PVT1: variants seen among roughly 807,000 people sequenced by gnomAD.
PVT1 encodes CXCR4/PVT1 fusion.
chr8:127,945,286 A>G (rs1816406548), intron 3 of PVT1, among the ~76,000 whole-genome samples: 1 of 152,126 alleles, frequency 6.6e-6, no homozygotes, highest in African/African-American at 2.4e-5. Context: ...GAGCTCATCC[A>G]GGATTTATAC....
chr8:128,005,713 T>A (rs1817238709), intron 4 of PVT1, among the ~76,000 whole-genome samples: 1 of 152,178 alleles, frequency 6.6e-6, no homozygotes, highest in South Asian at 2.1e-4. Flanking sequence ...TTCAGCATTC[T>A]GGTGGCTTGT....
chr8:127,816,889 G>A (rs1470927728), intron 2 of PVT1, among the ~76,000 whole-genome samples: 1 of 152,144 alleles, frequency 6.6e-6, no homozygotes, highest in Non-Finnish European at 1.5e-5. Flanking sequence ...ATGTTGGTAA[G>A]TCTCTGCTGA....
Position 127,820,576 on chromosome 8 carries a change from T to C in PVT1, n.372+24505T>C, listed in dbSNP as rs191036868. On this transcript the variant is annotated intron_variant and non_coding_transcript_variant, in intron 2 of 10. Transcript: ENST00000651587. ...GGAGGTACACATTTCCTAGGGTGCT[T>C]GGGTGAAGAATTAGCAAGCAGTAAC... Among the ~76,000 whole-genome samples the C allele has an allele frequency of 1.3e-3, 194 of 152,114 alleles. 1 individual carries two copies. Among genetic ancestry groups the C allele is most frequent in the African/African-American group, 4.5e-3 (187 of 41,512 alleles).
chr8:127,841,935 A>G (rs1814979584), intron 2 of PVT1, among the ~76,000 whole-genome samples: 1 of 151,794 alleles, frequency 6.6e-6, no homozygotes, highest in Admixed American at 6.6e-5. Flanking sequence ...CGTGTTGGCC[A>G]GGCTGGTCTT....
chr8:127,803,926 G>T (rs1006816782), intron 2 of PVT1, among the ~76,000 whole-genome samples: 14 of 151,832 alleles, frequency 9.2e-5, no homozygotes, highest in Non-Finnish European at 1.9e-4. Flanking sequence ...TCACCATGTT[G>T]GTCAGGCTGA....
chr8:127,835,966 G>C lies in PVT1; in HGVS notation n.372+39895G>C, dbSNP rs184212427. Among the ~76,000 whole-genome samples the C allele has an allele frequency of 3.0e-3, 459 of 152,092 alleles. 1 individual carries two copies. The highest frequency in any genetic ancestry group is 0.011 in the African/African-American group (443 of 41,492). On this transcript the variant is annotated intron_variant and non_coding_transcript_variant, in intron 2 of 10. Transcript: ENST00000651587. ...ATCAGTTCCCTGACACCCTTCCCTG[G>C]GCACCACAGGACCTTTGCACTTGCT...
chr8:127,942,425 A>C (rs1025587113), intron 3 of PVT1, among the ~76,000 whole-genome samples: 1 of 152,162 alleles, frequency 6.6e-6, no homozygotes, highest in Admixed American at 6.5e-5. Flanking sequence ...GCAGGCAACT[A>C]CACAGCCAGT....
intron 2 of PVT1, among the ~76,000 whole-genome samples, chr8:127,856,555 G>C (rs1010524946): frequency 6.6e-6 from 1 of 151,950 alleles, no homozygotes; most frequent in East Asian, 1.9e-4. Flanking sequence ...TGGTCAGGCT[G>C]GTCTCGAACT....
chr8:127,888,997 A>G (rs1422064271), intron 2 of PVT1, among the ~76,000 whole-genome samples: 2 of 151,972 alleles, frequency 1.3e-5, no homozygotes, highest in Non-Finnish European at 2.9e-5. Flanking sequence ...CCAGTCTGCC[A>G]GTCCGCCTTG....
intron 3 of PVT1, among the ~76,000 whole-genome samples, chr8:127,905,912 T>G (rs891571723): frequency 6.6e-6 from 1 of 152,222 alleles, no homozygotes; most frequent in Non-Finnish European, 1.5e-5. Context: ...GGCAAGTTAT[T>G]TAACTTCTCT....
chr8:127,966,922 T>C (rs16902501), intron 3 of PVT1, among the ~76,000 whole-genome samples: 4,142 of 152,272 alleles, frequency 0.027, 90 homozygotes, highest in African/African-American at 0.047. Context: ...CGAGACTCCA[T>C]GCCCCCTGTC....
chr8:127,831,438 A>G (rs1342073279), intron 2 of PVT1, among the ~76,000 whole-genome samples: 1 of 152,196 alleles, frequency 6.6e-6, no homozygotes, highest in Non-Finnish European at 1.5e-5. Flanking sequence ...GCAGATGCCC[A>G]TTAATGGCCA....
chr8:127,832,135 G>A (rs148951666), intron 2 of PVT1, among the ~76,000 whole-genome samples: 14 of 152,100 alleles, frequency 9.2e-5, no homozygotes, highest in African/African-American at 3.4e-4. Context: ...TATGTGTCAG[G>A]CACCCCTCCT....
At chr8:127,883,581 C>A (rs1219709419) in intron 2 of PVT1, among the ~76,000 whole-genome samples, 1 of 151,630 alleles carries the variant, frequency 6.6e-6, no homozygotes, top group Non-Finnish European at 1.5e-5. Flanking sequence ...TGTAACAAAC[C>A]TGCACGTTGT....
At chr8:128,025,216 G>T (rs966178535) in intron 4 of PVT1, among the ~76,000 whole-genome samples, 1 of 152,134 alleles carries the variant, frequency 6.6e-6, no homozygotes, top group Non-Finnish European at 1.5e-5. Context: ...TCAGCGGTTC[G>T]GGGTACGGAA....
intron 3 of PVT1, among the ~76,000 whole-genome samples, chr8:127,897,167 G>A (rs1815689845): frequency 6.6e-6 from 1 of 152,208 alleles, no homozygotes; most frequent in Non-Finnish European, 1.5e-5. Context: ...ACCCCTGAGC[G>A]AGTTTGGGGG....
chr8:127,940,593 T>TGGGGG (rs57970894), intron 3 of PVT1: 1 of 138,436 alleles, frequency 7.2e-6, no homozygotes, highest in African/African-American at 2.7e-5. Flanking sequence ...AGTTTTTTTG[T>TGGGGG]GGGGGGGGGC....
chr8:127,956,027 G>T (rs962742417), intron 3 of PVT1, among the ~76,000 whole-genome samples: 1 of 152,246 alleles, frequency 6.6e-6, no homozygotes, highest in Admixed American at 6.5e-5. Flanking sequence ...CTGTCATACT[G>T]TACCACCTCT....
At chr8:127,871,016 G>T (rs983060276) in intron 2 of PVT1, among the ~76,000 whole-genome samples, 26 of 152,204 alleles carry the variant, frequency 1.7e-4, no homozygotes, top group Non-Finnish European at 7.3e-5. Flanking sequence ...AGTTCAGAGG[G>T]TGAAATGCTG....
Sources: allele counts gnomAD v4.1 joint callset (sites outside exome capture counted in the v4.1 genomes callset), GRCh38; gene constraint gnomAD v4.1.1; transcripts MANE v1.5; gene names NCBI Gene and HGNC (gene_info 2026-07-23, HGNC 2026-07-21).